Variants in HHIPL1 observed in about 807,000 individuals in gnomAD.
The protein encoded by HHIPL1 is HHIP like 1.
Under a neutral mutation model 61.8 loss-of-function variants are expected in HHIPL1, and 43 were observed. That is an observed-to-expected ratio of 0.70 (90% CI 0.55 to 0.90). HHIPL1 has a LOEUF of 0.90. Ranked by LOEUF, HHIPL1 falls within the 40% of genes least tolerant of loss-of-function variation. The probability of loss-of-function intolerance (pLI) is 0.00; values close to 1 mark genes in which losing one functional copy is unlikely to be tolerated. For synonymous variants in HHIPL1, 482 were observed against 515.8 expected (o/e 0.93, Z 0.89); for missense variants, 1,056 against 1,157.7 (o/e 0.91, Z 1.28).
chr14:99,610,361 C>G, the HHIPL1 span, among the ~76,000 whole-genome samples: 1 of 152,198 alleles, frequency 6.6e-6, no homozygotes, highest in Non-Finnish European at 1.5e-5. Context: ...CCTGCAGCCC[C>G]TCCTGGTCAC....
upstream of HHIPL1, among the ~76,000 whole-genome samples, chr14:99,643,052 C>G (rs957945301): frequency 8.8e-5 from 13 of 147,170 alleles, no homozygotes; most frequent in African/African-American, 3.3e-4. Flanking sequence ...TTTTTTTTTT[C>G]TTTTTTGAGA....
At chr14:99,651,429 A>G (rs1272622334) in intron 1 of HHIPL1, among the ~76,000 whole-genome samples, 1 of 152,214 alleles carries the variant, frequency 6.6e-6, no homozygotes, top group Admixed American at 6.5e-5. Flanking sequence ...GGGAGGCGGC[A>G]TGTCTCATGA....
At chr14:99,659,840 GACCGC>G in intron 4 of HHIPL1, 84 bp downstream of exon 4, 1 of 433,270 alleles carries the variant, frequency 2.3e-6, no homozygotes, top group Non-Finnish European at 3.3e-6. Flanking sequence ...CTCCCTCGGA[GACCGC>G]ACCCCCCCCC....
chr14:99,652,904 G>T, intron 2 of HHIPL1, 34 bp downstream of exon 2: 1 of 1,592,390 alleles, frequency 6.3e-7, no homozygotes, highest in South Asian at 1.1e-5. Flanking sequence ...CCTGGGTGGG[G>T]GCAGGCACCC....
At chr14:99,650,454 G>A (rs554556270) in intron 1 of HHIPL1, among the ~76,000 whole-genome samples, 12 of 152,362 alleles carry the variant, frequency 7.9e-5, no homozygotes, top group East Asian at 1.9e-4. Context: ...ACAGGCCGGC[G>A]GCTCTAACAG....
the HHIPL1 span, among the ~76,000 whole-genome samples, chr14:99,637,222 A>AAG: frequency 1.5e-5 from 2 of 133,602 alleles, no homozygotes; most frequent in Non-Finnish European, 1.6e-5. Context: ...GAAAGAAAGA[A>AAG]AGAAAGAAAG....
chr14:99,671,421 G>C (rs1051785896), intron 7 of HHIPL1, among the ~76,000 whole-genome samples: 3 of 152,178 alleles, frequency 2.0e-5, no homozygotes, highest in Admixed American at 2.0e-4. Flanking sequence ...GTATGTGCCT[G>C]GTTGTGTTTC....
the HHIPL1 span, among the ~76,000 whole-genome samples, chr14:99,635,320 G>T: frequency 9.2e-5 from 14 of 152,152 alleles, no homozygotes; most frequent in African/African-American, 3.4e-4. Context: ...CAGGTGGGGT[G>T]CTTCCTGGGA....
chr14:99,656,734 C>A (rs2140067107), intron 2 of HHIPL1, among the ~76,000 whole-genome samples: 1 of 143,020 alleles, frequency 7.0e-6, no homozygotes, highest in Non-Finnish European at 1.6e-5. Flanking sequence ...TGAGATTGTG[C>A]CACTGCACTC....
Position 99,668,161 on chromosome 14 carries a change from G to A in HHIPL1, c.1649-61G>A, listed in dbSNP as rs543862206. ...CCTGCAGGGAGCCGGGTGGTGAGGC[G>A]GGGCTGGCTGGGACGGTATTCCAGG... On this transcript the variant is annotated intron_variant, in intron 6 of 8. Coordinates refer to ENST00000330710, the MANE Select transcript of HHIPL1 (RefSeq NM_001127258.3). This position sits in a 1 kb window ranked among gnomAD's most constrained non-coding sequence, Gnocchi z 4.7. 38 of 1,021,092 alleles carry A rather than the reference G, an allele frequency of 3.7e-5. No homozygotes were observed. The highest frequency in any genetic ancestry group is 7.1e-5 in the East Asian group (3 of 41,990). 63.3% of individuals were successfully genotyped at this position (1,021,092 alleles called of 1,614,324 possible). A position where few individuals can be genotyped will look rare whatever the true frequency, so the allele number is the denominator to read the frequency against.
At chr14:99,637,104 AAAG>A in the HHIPL1 span, among the ~76,000 whole-genome samples, 1 of 96,682 alleles carries the variant, frequency 1.0e-5, no homozygotes, top group African/African-American at 3.4e-5. Flanking sequence ...AGGAAGGAAA[AAAG>A]AAAGAAAGAA....
At chr14:99,654,346 T>TG (rs2055992982) in intron 2 of HHIPL1, among the ~76,000 whole-genome samples, 1 of 152,080 alleles carries the variant, frequency 6.6e-6, no homozygotes, top group African/African-American at 2.4e-5. Flanking sequence ...GGACACCCAG[T>TG]GGAAGCTGGA....
chr14:99,643,687 G>A (rs4905874), upstream of HHIPL1, among the ~76,000 whole-genome samples: 120,797 of 152,166 alleles, frequency 0.79, 48,195 homozygotes, highest in Admixed American at 0.84. Flanking sequence ...GCAGGAAGCC[G>A]TTGCAGGCCG....
Position 99,665,356 on chromosome 14 carries a change from C to T in HHIPL1, c.1648+2335C>T, listed in dbSNP as rs182583133. Among the ~76,000 whole-genome samples, 144 of 152,296 alleles carry T rather than the reference C, an allele frequency of 9.5e-4. 1 individual carries two copies. The highest frequency in any genetic ancestry group is 1.7e-3 in the Non-Finnish European group (114 of 68,040). On this transcript the variant is annotated intron_variant, in intron 6 of 8. Transcript: ENST00000330710. ...GTCTGGATTCTTCTTGGCCTCTCTG[C>T]GCATCAGTCCTTCCTTCTGGGTATG...
chr14:99,667,605 T>C (rs2895811), intron 6 of HHIPL1, among the ~76,000 whole-genome samples: 54,475 of 152,078 alleles, frequency 0.36, 10,357 homozygotes, highest in South Asian at 0.45. Context: ...CTCCCAGCCA[T>C]GTACTCTGCT....
At chr14:99,615,735 G>GA in the HHIPL1 span, among the ~76,000 whole-genome samples, 1 of 151,794 alleles carries the variant, frequency 6.6e-6, no homozygotes, top group Non-Finnish European at 1.5e-5. Flanking sequence ...AAGAAAGAAA[G>GA]AAAAAAAGAC....
At chr14:99,671,979 T>G (rs10145742) in intron 7 of HHIPL1, among the ~76,000 whole-genome samples, 146,567 of 152,254 alleles carry the variant, frequency 0.96, 70,794 homozygotes, top group East Asian at 1. Flanking sequence ...CGGCAGGCTG[T>G]GGGAGGAGAG....
At chr14:99,607,802 A>G in the HHIPL1 span, among the ~76,000 whole-genome samples, 1 of 152,208 alleles carries the variant, frequency 6.6e-6, no homozygotes, top group Non-Finnish European at 1.5e-5. Flanking sequence ...AAGGTGAGGA[A>G]AAACAGAGCC....
At chr14:99,606,625 A>G in the HHIPL1 span, among the ~76,000 whole-genome samples, 1 of 152,182 alleles carries the variant, frequency 6.6e-6, no homozygotes. Flanking sequence ...ACTTCCAAGA[A>G]GAAAGTGAAG....
Sources: allele counts gnomAD v4.1 joint callset (sites outside exome capture counted in the v4.1 genomes callset), GRCh38; gene constraint gnomAD v4.1.1; non-coding constraint Gnocchi (gnomAD v3.1); transcripts MANE v1.5; gene names NCBI Gene and HGNC (gene_info 2026-07-23, HGNC 2026-07-21).